The following LDB1 variants were observed in gnomAD, a reference collection of about 807,000 sequenced individuals.
LDB1 encodes LIM domain binding 1.
A neutral mutation model predicts 49.7 loss-of-function variants in LDB1; 6 were observed. That is an observed-to-expected ratio of 0.12 (90% CI 0.07 to 0.24). The LOEUF (loss-of-function observed/expected upper bound fraction) is 0.24, where lower values mean the gene tolerates loss of function less well. Ranked by LOEUF, LDB1 falls within the 10% of genes least tolerant of loss-of-function variation. The pLI is 1.00. For missense variants in LDB1, 341 were observed against 561.7 expected (o/e 0.61, Z 3.97); for synonymous variants, 233 against 202.0 (o/e 1.15, Z -1.30).
intron 1 of LDB1, among the ~76,000 whole-genome samples, chr10:102,112,766 T>C (rs2068274196): frequency 6.6e-6 from 1 of 152,160 alleles, no homozygotes; most frequent in Admixed American, 6.5e-5. Flanking sequence ...GAAGCCTATG[T>C]TCCTCAGTCT....
chr10:102,108,108 T>C lies in LDB1; in HGVS notation c.1221A>G (p.Ser407=), dbSNP rs761562350. The change falls in exon 11 of 11, where the codon TCA becomes TCG. Residue 407 remains serine (S), a synonymous_variant. Transcript: ENST00000673968. ...SQESKSENPT[S]QASQ ...GCAGGGCCTTTTACTGGGAGGCCTG[T>C]GACGTGGGGTTCTCCGATTTGCTTT... is the stretch of plus-strand genomic sequence containing the variant. 6 of 1,614,004 alleles carry C rather than the reference T, an allele frequency of 3.7e-6. No homozygotes were observed. The highest frequency in any genetic ancestry group is 2.2e-5 in the East Asian group (1 of 44,888).
At chr10:102,119,197 CG>C (rs2068372161) in intron 1 of LDB1, among the ~76,000 whole-genome samples, 1 of 152,048 alleles carries the variant, frequency 6.6e-6, no homozygotes, top group South Asian at 2.1e-4. Flanking sequence ...CCCAGAGTCC[CG>C]GGGATGGAGA....
rs897695634 is a variant in LDB1 at position 102,120,222 on chromosome 10, CCGGCCCGGCCCGGCCT to C, written c.-128_-113del. On this transcript the variant is annotated 5_prime_UTR_variant, in exon 1 of 11. Coordinates refer to ENST00000673968, the MANE Select transcript of LDB1 (RefSeq NM_001113407.3). ...CCCGCGGCCCCCGCTGCGCTCGCCG[CCGGCCCGGCCCGGCCT>C]CGGCCCGGTGCGGGCGGCCCCTGGC... 1.0e-6 allele frequency: 1 copy of C among 984,762 alleles called. No homozygotes were observed. The highest frequency in any genetic ancestry group is 1.2e-6 in the Non-Finnish European group (1 of 830,548). 61.0% of individuals were successfully genotyped at this position (984,762 alleles called of 1,614,324 possible).
intron 1 of LDB1, among the ~76,000 whole-genome samples, chr10:102,118,774 A>C (rs1306422149): frequency 1.3e-5 from 2 of 152,142 alleles, no homozygotes; most frequent in Admixed American, 1.3e-4. Context: ...TAAAGGAGAA[A>C]ATCCACAACA....
chr10:102,113,492 C>T (rs2133518620), intron 1 of LDB1, among the ~76,000 whole-genome samples: 1 of 152,274 alleles, frequency 6.6e-6, no homozygotes. Context: ...AGACAGTCCC[C>T]ACCCAGCCAC....
chr10:102,108,571 G>T (rs1477942101), intron 10 of LDB1, among the ~76,000 whole-genome samples: 1 of 152,048 alleles, frequency 6.6e-6, no homozygotes, highest in Non-Finnish European at 1.5e-5. Flanking sequence ...TACTCCCCTA[G>T]CTCCCTAGCC....
intron 1 of LDB1, among the ~76,000 whole-genome samples, chr10:102,111,954 AAG>A (rs1321974404): frequency 6.6e-6 from 1 of 152,112 alleles, no homozygotes; most frequent in Non-Finnish European, 1.5e-5. Flanking sequence ...GCCTGATTAT[AAG>A]AGAGTGGTGG....
intron 1 of LDB1, among the ~76,000 whole-genome samples, chr10:102,116,432 T>A (rs1004445105): frequency 6.6e-6 from 1 of 152,136 alleles, no homozygotes; most frequent in African/African-American, 2.4e-5. Flanking sequence ...CCACCCACCT[T>A]GGCCTCCCAA....
downstream of LDB1, among the ~76,000 whole-genome samples, chr10:102,104,867 A>G (rs2068142684): frequency 6.6e-6 from 1 of 152,188 alleles, no homozygotes; most frequent in South Asian, 2.1e-4. Context: ...TTACGGATTT[A>G]TAGCCTTCAC....
At chr10:102,114,577 C>T (rs1339183914) in intron 1 of LDB1, 1 of 985,544 alleles carries the variant, frequency 1.0e-6, no homozygotes, top group African/African-American at 1.7e-5. Flanking sequence ...GACTCGCACG[C>T]ACTGCCTCGG....
At chr10:102,110,741 C>T in intron 5 of LDB1, 40 bp from the exon 6 acceptor site, 2 of 1,599,658 alleles carry the variant, frequency 1.3e-6, no homozygotes, top group Non-Finnish European at 1.7e-6. Context: ...AAAGGGACCG[C>T]AAAAGGGGCC....
In LDB1 at chr10:102,111,496, C is replaced by A. The variant is rs547343320; in HGVS notation, c.66G>T (p.Glu22Asp). Residue 22 changes from glutamate (E) to aspartate (D), a missense_variant, in exon 2 of 11, where the codon GAG becomes GAT. Glu to Asp is a conservative substitution (Grantham distance 45). Around this residue, in one of 5 missense-constraint regions of LDB1, gnomAD observed 48 missense variants for 43.9 expected, o/e 1.09. Transcript: ENST00000673968. Reference sequence around the variant, plus strand: ...GGGGAAAGGCGTTGCCGTTCGGGGGCTCCTTCGGCGAGTACAGCTTGAATG... The same window carrying A: ...GGGGAAAGGCGTTGCCGTTCGGGGGATCCTTCGGCGAGTACAGCTTGAATG... Reference protein sequence around the residue: ...SKSFKLYSPKEPPNGNAFPPF... With the variant: ...SKSFKLYSPKDPPNGNAFPPF... 144 of 1,555,410 alleles carry A rather than the reference C, an allele frequency of 9.3e-5. 1 individual carries two copies. In the South Asian group the frequency reaches 1.7e-3, roughly 19 times the overall value.
At chr10:102,111,026 C>G in intron 4 of LDB1, 43 bp downstream of exon 4, 1 of 1,612,030 alleles carries the variant, frequency 6.2e-7, no homozygotes, top group Non-Finnish European at 8.5e-7. Context: ...ATAGGGTGCC[C>G]AGATGGCCCT....
chr10:102,110,141 C>T, intron 6 of LDB1, 98 bp from the exon 7 acceptor site: 1 of 1,365,098 alleles, frequency 7.3e-7, no homozygotes, highest in South Asian at 1.3e-5. Context: ...TCTCCCATTG[C>T]ATACACTTTT....
Position 102,107,049 on chromosome 10 carries a change from G to T in LDB1, c.*1044C>A, listed in dbSNP as rs1259300356. Among the ~76,000 whole-genome samples, 1 of 152,102 alleles carries T rather than the reference G, an allele frequency of 6.6e-6. No individual in the cohort carries two copies. The highest frequency in any genetic ancestry group is 2.4e-5 in the African/African-American group (1 of 41,408). ...TTGGAGGGGCTGAGGGAAGATTCTG[G>T]AGGAAAGTGGCTGAGCCCCTCTCCC... is the stretch of plus-strand genomic sequence containing the variant. On this transcript the variant is annotated 3_prime_UTR_variant, in exon 11 of 11. Transcript: ENST00000673968.
In LDB1 at chr10:102,108,051, G is replaced by T. The variant is rs1259554709; in HGVS notation, c.*42C>A. On this transcript the variant is annotated 3_prime_UTR_variant, in exon 11 of 11. Coordinates refer to ENST00000673968, the MANE Select transcript of LDB1 (RefSeq NM_001113407.3). ...TCTGCTCCCTGGGGCTGTGAGGGGT[G>T]GGGCAGGTAGGCAGAGCACTGGGTG... 6.9e-7 allele frequency: 1 copy of T among 1,441,832 alleles called. No individual in the cohort carries two copies. The highest frequency in any genetic ancestry group is 9.7e-7 in the Non-Finnish European group (1 of 1,026,440). 89.3% of individuals were successfully genotyped at this position (1,441,832 alleles called of 1,614,324 possible). A position where few individuals can be genotyped will look rare whatever the true frequency, so the allele number is the denominator to read the frequency against.
At chr10:102,111,583 C>G (rs2068255470) in intron 1 of LDB1, 47 bp from the exon 2 acceptor site, 1 of 1,171,444 alleles carries the variant, frequency 8.5e-7, no homozygotes, top group African/African-American at 1.5e-5. Flanking sequence ...TGGCTCACAT[C>G]TGTAATCTAG....
At chr10:102,120,897 CT>C (rs1282264097), upstream of LDB1, among the ~76,000 whole-genome samples, 3 of 152,302 alleles carry the variant, frequency 2.0e-5, no homozygotes, top group East Asian at 5.8e-4. Flanking sequence ...TGCAGACCCC[CT>C]GTCCGTGCTC....
At chr10:102,103,685 G>C (rs538395029), downstream of LDB1, among the ~76,000 whole-genome samples, 2 of 151,970 alleles carry the variant, frequency 1.3e-5, no homozygotes, top group Admixed American at 1.3e-4. Context: ...ATGGTGGTGC[G>C]CACCTGTAGT....
Sources: allele counts gnomAD v4.1 joint callset (sites outside exome capture counted in the v4.1 genomes callset), GRCh38; gene constraint gnomAD v4.1.1; regional missense constraint gnomAD v4.1.1; transcripts MANE v1.5; gene names NCBI Gene and HGNC (gene_info 2026-07-23, HGNC 2026-07-21).